DYSF: variants seen among roughly 807,000 people sequenced by gnomAD.
DYSF encodes dystrophy-associated fer-1-like 1.
In DYSF, 212 loss-of-function variants were observed where a neutral mutation model predicts 274.9. The observed-to-expected ratio is 0.77, with a 90% CI of 0.69 to 0.86. The LOEUF (loss-of-function observed/expected upper bound fraction) is 0.86. Among genes scored for constraint, DYSF ranks in the 40% least tolerant of loss-of-function variants. The pLI is 0.00. For missense variants in DYSF, 2,666 were observed against 2,783.2 expected, an observed-to-expected ratio of 0.96 and a Z score of 0.95; for synonymous variants, 1,091 against 1,078.7, an observed-to-expected ratio of 1.01 and a Z score of -0.22.
chr2:71,664,872 C>G (rs2094966389), intron 46 of DYSF, among the ~76,000 whole-genome samples: 1 of 152,172 alleles, frequency 6.6e-6, no homozygotes. Flanking sequence ...AGGACTGCAC[C>G]CCTCTTCCCA....
chr2:71,511,816 GT>G lies in DYSF; in HGVS notation c.356del (p.Val119AlafsTer33), dbSNP rs398123782. On this transcript the variant is annotated frameshift_variant, in exon 5 of 56. Coordinates refer to ENST00000410020, the MANE Select transcript of DYSF (RefSeq NM_001130987.2). LOFTEE classifies it high-confidence loss of function. The stretch of plus-strand genomic sequence containing the variant: ...GTCTCATCTCTTCCAGGCCTCGCTG[GT>G]CCTGCAGGTGTCCTACACACCGCTG... ...TKKQPTGASL[V>X]LQVSYTPLPG... 5.2e-5 allele frequency: 80 copies of G among 1,550,606 alleles called. No homozygotes were observed. The highest frequency in any genetic ancestry group is 6.4e-5 in the Non-Finnish European group (73 of 1,146,258).
At chr2:71,600,891 T>C (rs1165032767) in intron 34 of DYSF, 49 bp downstream of exon 34, 3 of 1,600,974 alleles carry the variant, frequency 1.9e-6, no homozygotes, top group Non-Finnish European at 1.7e-6. Context: ...AGGAGTGGGG[T>C]GGGGGCCAAC....
At chr2:71,590,396 T>C (rs1217162657) in intron 32 of DYSF, 108 bp downstream of exon 32, 2 of 1,212,020 alleles carry the variant, frequency 1.7e-6, no homozygotes, top group African/African-American at 3.0e-5. Flanking sequence ...TGCATGGAGA[T>C]GGGTGCTGTC....
chr2:71,605,954 C>T (rs2093639077), intron 36 of DYSF, among the ~76,000 whole-genome samples: 1 of 152,166 alleles, frequency 6.6e-6, no homozygotes, highest in Admixed American at 6.5e-5. Context: ...CTGCCCCCTG[C>T]CTGGAGCTCC....
intron 21 of DYSF, 32 bp from the exon 22 acceptor site, chr2:71,555,933 A>C: frequency 2.0e-6 from 3 of 1,527,454 alleles, no homozygotes; most frequent in Non-Finnish European, 2.7e-6. Flanking sequence ...CCCTGTGGTG[A>C]CACACCTGAC....
chr2:71,685,479 C>T (rs966354420), intron 55 of DYSF, among the ~76,000 whole-genome samples: 12 of 152,198 alleles, frequency 7.9e-5, no homozygotes, highest in African/African-American at 2.9e-4. Context: ...TGGCCAGTAC[C>T]AGATGATGAG....
intron 30 of DYSF, 34 bp from the exon 31 acceptor site, chr2:71,589,559 G>C (rs888535328): frequency 6.3e-7 from 1 of 1,592,362 alleles, no homozygotes; most frequent in Non-Finnish European, 8.6e-7. Context: ...AGGCCTGGGG[G>C]CAGAATCTGC....
intron 10 of DYSF, among the ~76,000 whole-genome samples, chr2:71,519,322 G>C (rs1034141297): frequency 6.6e-6 from 1 of 151,958 alleles, no homozygotes; most frequent in African/African-American, 2.4e-5. Context: ...TTTGAGTCTT[G>C]TTCTGAGAAC....
At chr2:71,466,643 G>A (rs2081551823), upstream of DYSF, 2 of 1,303,446 alleles carry the variant, frequency 1.5e-6, no homozygotes, top group African/African-American at 3.1e-5. Flanking sequence ...CGGAGGGGGA[G>A]GGTCCGCCCA....
chr2:71,540,934 G>GC (rs1172724819), intron 17 of DYSF, among the ~76,000 whole-genome samples: 1 of 152,102 alleles, frequency 6.6e-6, no homozygotes, highest in Non-Finnish European at 1.5e-5. Context: ...AGGGAATAAG[G>GC]CAGGGATCTA....
chr2:71,467,802 C>A (rs1290359061), intron 1 of DYSF, among the ~76,000 whole-genome samples: 2 of 151,776 alleles, frequency 1.3e-5, no homozygotes, highest in East Asian at 1.9e-4. Flanking sequence ...TTTGTGGAAT[C>A]GATAATAATA....
At chr2:71,596,614 G>T (rs1425791054) in intron 32 of DYSF, among the ~76,000 whole-genome samples, 50 of 152,254 alleles carry the variant, frequency 3.3e-4, no homozygotes, top group African/African-American at 1.2e-3. Context: ...GCCCTGCCAG[G>T]TCCAGTGCAT....
chr2:71,465,167 G>A (rs1282981256), upstream of DYSF, among the ~76,000 whole-genome samples: 1 of 152,150 alleles, frequency 6.6e-6, no homozygotes, highest in African/African-American at 2.4e-5. Flanking sequence ...CGGTAAACAG[G>A]GGAACTTGGT....
chr2:71,526,411 T>TGGGGGGGGGGGGGGGGGGGGGGGGGGGG, intron 13 of DYSF, 65 bp downstream of exon 13: 2 of 306,928 alleles, frequency 6.5e-6, no homozygotes, highest in Non-Finnish European at 1.0e-5. Context: ...CTGGTGGGGG[T>TGGGGGGGGGGGGGGGGGGGGGGGGGGGG]GGGCGATGGC....
Position 71,514,147 on chromosome 2 carries a change from T to TA in DYSF, c.759+247dup, listed in dbSNP as rs5832057. Reference sequence around the variant, plus strand: ...CTGCCGAGACCTGTGGTTTTGCGCTTAAAAAAAAAAAAAAAAAAAAAGTCA... The same window carrying TA: ...CTGCCGAGACCTGTGGTTTTGCGCTTAAAAAAAAAAAAAAAAAAAAAAGTCA... On this transcript the variant is annotated intron_variant, in intron 7 of 55. Coordinates refer to ENST00000410020, the MANE Select transcript of DYSF (RefSeq NM_001130987.2). 0.68 allele frequency among the ~76,000 whole-genome samples: 85,004 copies of TA among 125,046 alleles called. 29,715 individuals carry two copies. The highest frequency in any genetic ancestry group is 0.75 in the Non-Finnish European group (45,896 of 61,454). 82.0% of individuals were successfully genotyped at this position (125,046 alleles called of 152,430 possible).
chr2:71,656,134 C>T, intron 42 of DYSF, 28 bp from the exon 43 acceptor site: 1 of 1,613,924 alleles, frequency 6.2e-7, no homozygotes, highest in Non-Finnish European at 8.5e-7. Context: ...TGTCTCTTGT[C>T]CCCTCCTCTA....
chr2:71,685,817 T>C (rs865805001), intron 55 of DYSF, among the ~76,000 whole-genome samples: 165 of 152,148 alleles, frequency 1.1e-3, no homozygotes, highest in African/African-American at 3.8e-3. Context: ...AGGAGCCCTG[T>C]ATTGTGTTGT....
chr2:71,474,340 C>T (rs955295781), intron 1 of DYSF, among the ~76,000 whole-genome samples: 1 of 152,224 alleles, frequency 6.6e-6, no homozygotes. Context: ...ATGAATCTTA[C>T]ACCTGTTGCT....
chr2:71,576,345 AG>A (rs1343254442), intron 30 of DYSF: 4 of 152,446 alleles, frequency 2.6e-5, no homozygotes, highest in African/African-American at 9.6e-5. Context: ...GGTCAGAGCT[AG>A]GCTTTAGGAC....
Sources: gnomAD v4.1 joint callset for allele counts (sites outside exome capture counted in the v4.1 genomes callset) on GRCh38, gnomAD v4.1.1 for gene constraint, MANE v1.5 for transcripts, NCBI Gene and HGNC (gene_info 2026-07-23, HGNC 2026-07-21) for gene names.